The following EFHB variants were observed in gnomAD, a reference collection of about 807,000 sequenced individuals.
EFHB encodes the protein EF-hand domain family member B.
In EFHB, 91 loss-of-function variants were observed where a neutral mutation model predicts 87.2. The observed-to-expected ratio is 1.04, with a 90% CI of 0.88 to 1.24. EFHB has a LOEUF of 1.24. Among genes scored for constraint, EFHB ranks in the 50% most tolerant of loss-of-function variants. The pLI, the probability that EFHB is intolerant of heterozygous loss-of-function variation, is 0.00. For missense variants in EFHB, 1,084 were observed against 998.8 expected (o/e 1.09, Z -1.15); for synonymous variants, 325 against 333.6 (o/e 0.97, Z 0.28).
At chr3:19,886,684 A>G (rs1694113010) in intron 10 of EFHB, among the ~76,000 whole-genome samples, 1 of 149,958 alleles carries the variant, frequency 6.7e-6, no homozygotes, top group African/African-American at 2.4e-5. Context: ...CTCAAAAAAA[A>G]AAAAAAAAAA....
chr3:19,905,645 G>C lies in EFHB; in HGVS notation c.1393C>G (p.Leu465Val), dbSNP rs1188668119. Reference sequence around the variant, plus strand: ...ATTTGTAGTTCATGGAGCCAATATAGAGATTTTGCCATGGCTCGTCCATCA... The same window carrying C: ...ATTTGTAGTTCATGGAGCCAATATACAGATTTTGCCATGGCTCGTCCATCA... ...FNDGRAMAKS[L>V]YWLHELQMKR... Residue 465 changes from leucine (L) to valine (V), a missense_variant, in exon 6 of 13, where the codon CTA becomes GTA. Physicochemically the swap from Leu to Val is conservative, Grantham distance 32 (BLOSUM62 1). Transcript: ENST00000295824. 2 of 1,613,742 alleles carry C rather than the reference G, an allele frequency of 1.2e-6. No individual in the cohort carries two copies. The highest frequency in any genetic ancestry group is 1.1e-5 in the South Asian group (1 of 91,044).
intron 1 of EFHB, among the ~76,000 whole-genome samples, chr3:19,924,691 C>G (rs867050552): frequency 1.3e-5 from 2 of 152,132 alleles, no homozygotes; most frequent in South Asian, 4.1e-4. Flanking sequence ...TAGGATTCTT[C>G]TCATTTTTTT....
intron 1 of EFHB, among the ~76,000 whole-genome samples, chr3:19,927,364 T>C (rs1342193190): frequency 6.6e-6 from 1 of 152,218 alleles, no homozygotes; most frequent in Non-Finnish European, 1.5e-5. Context: ...AGAATCTTTT[T>C]GATTGTTTAA....
chr3:19,926,540 T>C (rs754416475), intron 1 of EFHB, among the ~76,000 whole-genome samples: 68 of 152,024 alleles, frequency 4.5e-4, no homozygotes, highest in Non-Finnish European at 5.7e-4. Flanking sequence ...ATTTTTTGTA[T>C]TTTTAGTAGA....
rs764778068 is a variant in EFHB at position 19,915,386 on chromosome 3, G to A, written c.1205C>T (p.Pro402Leu). 2 of 1,611,890 alleles carry A rather than the reference G, an allele frequency of 1.2e-6. No homozygotes were observed. Among genetic ancestry groups the A allele is most frequent in the Non-Finnish European group, 1.7e-6 (2 of 1,178,710 alleles). ...KEYSAKDVVN[P>L]PKSYEEVFKE... is the part of the protein sequence containing the mutation. Reference sequence around the variant, plus strand: ...AAATACTTCTTCATAGGATTTTGGTGGATTCACCACATCTTTAGCAGAGTA... The same window carrying A: ...AAATACTTCTTCATAGGATTTTGGTAGATTCACCACATCTTTAGCAGAGTA... The change falls in exon 5 of 13, where the codon CCA (proline) becomes CTA (leucine). Residue 402 changes from proline to leucine, a missense_variant. Pro to Leu is a moderately conservative substitution (Grantham distance 98). Coordinates refer to ENST00000295824, the MANE Select transcript of EFHB (RefSeq NM_144715.4).
chr3:19,879,689 C>T lies in EFHB; in HGVS notation c.2444G>A (p.Arg815Lys). The T allele has an allele frequency of 6.2e-7, 1 of 1,609,854 alleles. No homozygotes were observed. The highest frequency in any genetic ancestry group is 8.5e-7 in the Non-Finnish European group (1 of 1,178,882). ...HRGEVCVENI[R>K]NVLDELRHAD... The stretch of plus-strand genomic sequence containing the variant: ...ATGCCGTAGCTCATCTAGAACATTT[C>T]TGATGTTCTCAACACAAACTTCTCC... Residue 815 changes from arginine (R) to lysine (K), a missense_variant, in exon 13 of 13, where the codon AGA (arginine) becomes AAA (lysine). By Grantham distance (26) the Arg-to-Lys change is conservative. Transcript: ENST00000295824.
In EFHB at chr3:19,944,251, T is replaced by C. The variant is rs578227503; in HGVS notation, c.-32+2668A>G. Among the ~76,000 whole-genome samples the C allele has an allele frequency of 5.3e-5, 8 of 152,318 alleles. No homozygotes were observed. In the South Asian group the frequency reaches 1.7e-3, roughly 32 times the overall value. ...GCTACACAAGGGAGGACAGATTTCCTGGAAGAGAAGGAAAAGGTTATGGGA... is the reference window on the plus strand; with the variant it reads ...GCTACACAAGGGAGGACAGATTTCCCGGAAGAGAAGGAAAAGGTTATGGGA... On this transcript the variant is annotated intron_variant, in intron 1 of 14. Coordinates refer to the EFHB transcript ENST00000344838.
intron 6 of EFHB, among the ~76,000 whole-genome samples, chr3:19,900,320 A>C (rs991995775): frequency 1.3e-5 from 2 of 152,146 alleles, no homozygotes; most frequent in Admixed American, 6.6e-5. Flanking sequence ...TAAACAAATA[A>C]CTCACATCTA....
chr3:19,893,819 G>A lies in EFHB; in HGVS notation c.1725+2868C>T, dbSNP rs548848726. On this transcript the variant is annotated intron_variant, in intron 9 of 12. Transcript: ENST00000295824. ...CAGCTGGTGGCATGGACAGACAGGAGGTTGGACTTACTGACCTTATGCAGC... is the reference window on the plus strand; with the variant it reads ...CAGCTGGTGGCATGGACAGACAGGAAGTTGGACTTACTGACCTTATGCAGC... Among the ~76,000 whole-genome samples the A allele has an allele frequency of 2.0e-4, 31 of 152,282 alleles. No homozygotes were observed. The South Asian group carries it at 5.2e-3, about 25-fold the overall frequency.
At chr3:19,915,625 C>A (rs1345991445) in intron 4 of EFHB, among the ~76,000 whole-genome samples, 1 of 152,034 alleles carries the variant, frequency 6.6e-6, no homozygotes, top group East Asian at 1.9e-4. Flanking sequence ...CATATTAGAA[C>A]TCTATTATCA....
At chr3:19,946,109 G>A (rs1470258546) in intron 1 of EFHB, 1 of 152,168 alleles carries the variant, frequency 6.6e-6, no homozygotes, top group Non-Finnish European at 1.5e-5. Context: ...GGAGGGTAAC[G>A]AACATCTTGG....
At chr3:19,918,600 G>A (rs1362238867) in intron 3 of EFHB, among the ~76,000 whole-genome samples, 188 bp from the exon 4 acceptor site, 1 of 152,054 alleles carries the variant, frequency 6.6e-6, no homozygotes, top group Non-Finnish European at 1.5e-5. Flanking sequence ...ACGCCTACAA[G>A]AACTTTCTAA....
At chr3:19,887,115 T>C (rs1694127963) in intron 10 of EFHB, among the ~76,000 whole-genome samples, 1 of 152,160 alleles carries the variant, frequency 6.6e-6, no homozygotes. Flanking sequence ...GCATGTTGGC[T>C]CTTGTCGGTC....
At chr3:19,910,071 A>G (rs1231199505) in intron 5 of EFHB, among the ~76,000 whole-genome samples, 1 of 151,844 alleles carries the variant, frequency 6.6e-6, no homozygotes, top group Non-Finnish European at 1.5e-5. Flanking sequence ...GCTTGAGAAA[A>G]GTAGAGGGAA....
intron 2 of EFHB, 80 bp from the exon 3 acceptor site, chr3:19,920,056 A>G: frequency 6.7e-7 from 1 of 1,483,220 alleles, no homozygotes; most frequent in Non-Finnish European, 9.2e-7. Context: ...CCAATCAACC[A>G]ACAACCTTAA....
upstream of EFHB, among the ~76,000 whole-genome samples, chr3:19,935,867 G>A (rs1696002062): frequency 6.6e-6 from 1 of 151,510 alleles, no homozygotes; most frequent in African/African-American, 2.4e-5. Context: ...AAAATTAGCT[G>A]GGCCTGATGG....
intron 6 of EFHB, among the ~76,000 whole-genome samples, chr3:19,901,338 A>C (rs1694663124): frequency 1.3e-5 from 2 of 152,252 alleles, no homozygotes; most frequent in Non-Finnish European, 2.9e-5. Flanking sequence ...AACGTGTAAA[A>C]TTACAACACT....
chr3:19,931,945 T>C (rs1695844672), intron 1 of EFHB, among the ~76,000 whole-genome samples: 1 of 152,218 alleles, frequency 6.6e-6, no homozygotes, highest in African/African-American at 2.4e-5. Context: ...TTCACACCCA[T>C]GGGGCATCAA....
chr3:19,884,302 T>C (rs992675778), intron 11 of EFHB, 101 bp downstream of exon 11: 21 of 1,136,080 alleles, frequency 1.8e-5, no homozygotes, highest in Non-Finnish European at 2.5e-5. Context: ...GGTACAAAGC[T>C]TTGGGAAACT....
Sources: gnomAD v4.1 joint callset for allele counts (sites outside exome capture counted in the v4.1 genomes callset) on GRCh38, gnomAD v4.1.1 for gene constraint, MANE v1.5 for transcripts, NCBI Gene and HGNC (gene_info 2026-07-23, HGNC 2026-07-21) for gene names.